RPLP0: variants seen among roughly 807,000 people sequenced by gnomAD.
RPLP0 encodes ribosomal protein lateral stalk subunit P0.
For missense variants in RPLP0, 276 were observed against 402.9 expected, an observed-to-expected ratio of 0.69 and a Z score of 2.70; for synonymous variants, 137 against 153.4, an observed-to-expected ratio of 0.89 and a Z score of 0.79.
At chr12:120,200,324 G>A (rs1183233326) in intron 2 of RPLP0, 3 of 334,204 alleles carry the variant, frequency 9.0e-6, no homozygotes, top group Non-Finnish European at 1.8e-5. Context: ...TTAGCTGGGT[G>A]TGGTGTCGCG....
At position 120,197,977 on chromosome 12, in the gene RPLP0, G is replaced by A. The variant is rs144095948; in HGVS notation, c.652-515C>T. ...AGAGTCTCACTCTGTCACTCAGGCC[G>A]GAGTGCAGTGGCACCATGTCAGCTC... On this transcript the variant is annotated intron_variant, in intron 6 of 7. Coordinates refer to ENST00000392514, the MANE Select transcript of RPLP0 (RefSeq NM_001002.4). Among the ~76,000 whole-genome samples the A allele has an allele frequency of 8.8e-4, 133 of 151,892 alleles. 1 individual carries two copies. The highest frequency in any genetic ancestry group is 1.4e-3 in the Non-Finnish European group (97 of 67,968).
intron 2 of RPLP0, 145 bp from the exon 3 acceptor site, chr12:120,199,630 G>GT: frequency 1.3e-6 from 1 of 761,626 alleles, no homozygotes; most frequent in East Asian, 2.7e-5. Context: ...GAGCTACGTT[G>GT]TAACACTGCC....
intron 7 of RPLP0, 119 bp downstream of exon 7, chr12:120,197,203 C>T: frequency 9.4e-7 from 1 of 1,058,664 alleles, no homozygotes; most frequent in Non-Finnish European, 1.4e-6. Context: ...CTCAAATATC[C>T]CCTCACAAAA....
At chr12:120,200,882 G>T (rs1329832270) in intron 1 of RPLP0, 51 bp from the exon 2 acceptor site, 19 of 1,518,486 alleles carry the variant, frequency 1.3e-5, no homozygotes, top group Admixed American at 4.1e-5. Flanking sequence ...CCCATCCCGC[G>T]GTCCCGGGCC....
intron 6 of RPLP0, 132 bp from the exon 7 acceptor site, chr12:120,197,594 C>T: frequency 9.8e-7 from 1 of 1,023,410 alleles, no homozygotes; most frequent in Non-Finnish European, 1.4e-6. Context: ...GAGGCCATTT[C>T]ATCTCATACC....
intron 2 of RPLP0, chr12:120,200,483 G>A (rs930578254): frequency 2.1e-6 from 1 of 481,442 alleles, no homozygotes; most frequent in Admixed American, 3.7e-5. Flanking sequence ...AGTATAAAGC[G>A]CGCTCTTTTA....
rs1284506248 is a variant in RPLP0, at chr12:120,201,084, T to C, written c.-50A>G. 13 of 366,826 alleles carry C rather than the reference T, an allele frequency of 3.5e-5. No homozygotes were observed. The highest frequency in any genetic ancestry group is 4.9e-5 in the Non-Finnish European group (10 of 203,484). The allele number at this position is 366,826 out of a possible 1,614,324, so 22.7% of individuals were successfully genotyped here. On this transcript the variant is annotated splice_region_variant and 5_prime_UTR_variant, in exon 1 of 8. Transcript: ENST00000392514. Reference sequence around the variant, plus strand: ...CGCCCATCTAACTAGCACACGAACCTTCCACGAGGACGCCTGGCGAGAGAA... The same window carrying C: ...CGCCCATCTAACTAGCACACGAACCCTCCACGAGGACGCCTGGCGAGAGAA...
rs1421657566 is a variant in RPLP0 at position 120,198,620 on chromosome 12, ATTG to A, written c.582_584del (p.Asn195del). On this transcript the variant is annotated inframe_deletion, in exon 6 of 8. Coordinates refer to ENST00000392514, the MANE Select transcript of RPLP0 (RefSeq NM_001002.4). This position sits in a 1 kb window ranked among gnomAD's most constrained non-coding sequence, Gnocchi z 4.1. ...GCACTTCAGGGTTGTAGATGCTGCC[ATTG>A]TCGAACACCTGCTGGATGACCAGCC... is the stretch of plus-strand genomic sequence containing the variant. 6.2e-7 allele frequency: 1 copy of A among 1,613,966 alleles called. No individual in the cohort carries two copies. The highest frequency in any genetic ancestry group is 8.5e-7 in the Non-Finnish European group (1 of 1,180,050).
At chr12:120,197,190 C>T (rs992599466) in intron 7 of RPLP0, 132 bp downstream of exon 7, 25 of 1,029,740 alleles carry the variant, frequency 2.4e-5, no homozygotes, top group Admixed American at 1.1e-4. Context: ...TGCCTCCCAA[C>T]CTCTCAAATA....
intron 6 of RPLP0, chr12:120,197,780 T>C (rs1879238923): frequency 3.4e-6 from 1 of 290,576 alleles, no homozygotes; most frequent in African/African-American, 2.1e-5. Flanking sequence ...TGTTCAACGA[T>C]TTCCAGATGT....
At chr12:120,200,223 G>C in intron 2 of RPLP0, 1 of 401,322 alleles carries the variant, frequency 2.5e-6, no homozygotes, top group South Asian at 1.8e-5. Context: ...CTAGCACTTA[G>C]GGAGGCCGAG....
In RPLP0 at chr12:120,198,269, C is replaced by T. The variant is rs1314295395; in HGVS notation, c.651+285G>A. The T allele has an allele frequency of 2.8e-6, 1 of 359,342 alleles. No homozygotes were observed. Among genetic ancestry groups the T allele is most frequent in the African/African-American group, 2.1e-5 (1 of 47,642 alleles). The allele number at this position is 359,342 out of a possible 1,614,324, so 22.3% of individuals were successfully genotyped here. A position where few individuals can be genotyped will look rare whatever the true frequency, so the allele number is the denominator to read the frequency against. On this transcript the variant is annotated intron_variant, in intron 6 of 7. Transcript: ENST00000392514. The surrounding 1 kb of genome is among the most constrained non-coding windows in gnomAD (Gnocchi z 4.1). ...GCGTAGTGGCGGGTGCCTGTAGTCCCAGCTACTCAGGAGGCTGAGGCAGGA... is the reference window on the plus strand; with the variant it reads ...GCGTAGTGGCGGGTGCCTGTAGTCCTAGCTACTCAGGAGGCTGAGGCAGGA...
At position 120,199,148 on chromosome 12, in the gene RPLP0, A is replaced by G; in HGVS notation, c.288T>C (p.Thr96=). 1 of 1,613,756 alleles carries G rather than the reference A, an allele frequency of 6.2e-7. No individual in the cohort carries two copies. ...VGFVFTKEDL[T]EIRDMLLANK... ...TGGCCAGCAACATGTCCCTGATCTC[A>G]GTGAGGTCCTCCTTGGTGAACACAA... The change falls in exon 4 of 8, where the codon ACT becomes ACC. Residue 96 remains threonine, a synonymous_variant. Coordinates refer to ENST00000392514, the MANE Select transcript of RPLP0 (RefSeq NM_001002.4).
Position 120,198,493 on chromosome 12 carries a change from T to A in RPLP0, c.651+61A>T. 6.3e-7 allele frequency: 1 copy of A among 1,591,422 alleles called. No individual in the cohort carries two copies. The highest frequency in any genetic ancestry group is 1.1e-5 in the South Asian group (1 of 90,146). ...ACAGTCCTTGGTTACAGGGACTCAG[T>A]CTGAACCTTGTCATGCTCTCAACCA... On this transcript the variant is annotated intron_variant, in intron 6 of 7. Transcript: ENST00000392514. This position sits in a 1 kb window ranked among gnomAD's most constrained non-coding sequence, Gnocchi z 4.1.
Position 120,196,716 on chromosome 12 carries a change from A to AG in RPLP0, c.*56dup, listed in dbSNP as rs1879194760. 6.0e-6 allele frequency: 9 copies of AG among 1,510,004 alleles called. No homozygotes were observed. The South Asian group carries it at 1.2e-4, about 20-fold the overall frequency. 93.5% of individuals were successfully genotyped at this position (1,510,004 alleles called of 1,614,324 possible). On this transcript the variant is annotated 3_prime_UTR_variant, in exon 8 of 8. Coordinates refer to ENST00000392514, the MANE Select transcript of RPLP0 (RefSeq NM_001002.4). ...AGTCCAGAGACTTTTTAAAGAAGTA[A>AG]GCCTTTATTTCCTTGTTTTGCAAAT...
In RPLP0 at chr12:120,199,254, C is replaced by T. The variant is rs1177188484; in HGVS notation, c.231-49G>A. ...ACAATCACCTTTCAGCACCATTCTC[C>T]AGGAAGAGGGAGACGGGCACTGGGG... On this transcript the variant is annotated intron_variant, in intron 3 of 7. Transcript: ENST00000392514. 4.3e-6 allele frequency: 7 copies of T among 1,613,312 alleles called. No homozygotes were observed. The African/African-American group carries it at 9.3e-5, about 22-fold the overall frequency.
Position 120,198,208 on chromosome 12 carries a change from C to T in RPLP0, c.651+346G>A, listed in dbSNP as rs532766260. 92 of 297,906 alleles carry T rather than the reference C, an allele frequency of 3.1e-4. No homozygotes were observed. Among genetic ancestry groups the T allele is most frequent in the African/African-American group, 1.8e-3 (83 of 45,686 alleles). 18.5% of individuals were successfully genotyped at this position (297,906 alleles called of 1,614,324 possible). ...AGGAGATCGACACCATCCTGGCTAA[C>T]GCGGTGAAACCTAAAAATACAAAAA... On this transcript the variant is annotated intron_variant, in intron 6 of 7. Coordinates refer to ENST00000392514, the MANE Select transcript of RPLP0 (RefSeq NM_001002.4). The surrounding 1 kb of genome is among the most constrained non-coding windows in gnomAD (Gnocchi z 4.1).
rs1216677411 is a variant in RPLP0, at chr12:120,196,888, G to A, written c.839C>T (p.Pro280Leu). The A allele has an allele frequency of 6.2e-7, 1 of 1,610,144 alleles. No individual in the cohort carries two copies. The highest frequency in any genetic ancestry group is 2.2e-5 in the East Asian group (1 of 44,784). Residue 280 changes from proline to leucine, a missense_variant, in exon 8 of 8, where the codon CCT becomes CTT. Pro to Leu is a moderately conservative substitution (Grantham distance 98). Transcript: ENST00000392514. ...ADPSAFVAAA[P>L]VAAATTAAPA... ...AGCAGCTGTGGTGGCAGCAGCCACA[G>A]GGGCAGCAGCCACAAAGGCAGATGG...
chr12:120,197,516 C>T (rs1470315829), intron 6 of RPLP0, 54 bp from the exon 7 acceptor site: 2 of 1,541,272 alleles, frequency 1.3e-6, no homozygotes, highest in African/African-American at 2.7e-5. Context: ...AAAGGAAGTC[C>T]AAGTAAGGGT....
Sources: allele counts gnomAD v4.1 joint callset (sites outside exome capture counted in the v4.1 genomes callset), GRCh38; gene constraint gnomAD v4.1.1; non-coding constraint Gnocchi (gnomAD v3.1); transcripts MANE v1.5; gene names NCBI Gene and HGNC (gene_info 2026-07-23, HGNC 2026-07-21).